P2RX7: variants seen among roughly 807,000 people sequenced by gnomAD.
P2RX7 encodes P2X purinoceptor 7.
A neutral mutation model predicts 71.6 loss-of-function variants in P2RX7; 62 were observed. That is an observed-to-expected ratio of 0.87 (90% confidence interval 0.71 to 1.07). The LOEUF is 1.07. P2RX7 is among the 50% of genes least tolerant of loss of function. P2RX7 has a pLI of 0.00. For synonymous variants in P2RX7, 299 were observed against 283.3 expected (o/e 1.06, Z -0.56); for missense variants, 686 against 748.5 (o/e 0.92, Z 0.97).
rs752684131 is a variant in P2RX7, at chr12:121,177,171, C to T, written c.997C>T (p.Leu333=). Residue 333 remains leucine, a synonymous_variant, in exon 10 of 13, where the codon CTG becomes TTG. Coordinates refer to ENST00000328963, the MANE Select transcript of P2RX7 (RefSeq NM_002562.6). ...GGGAGGAAAATTTGACATTATCCAG[C>T]TGGTTGTGTACATCGGCTCAACCCT... ...GTGGKFDIIQ[L]VVYIGSTLSY... The T allele has an allele frequency of 6.2e-7, 1 of 1,614,206 alleles. No homozygotes were observed. Among genetic ancestry groups the T allele is most frequent in the Non-Finnish European group, 8.5e-7 (1 of 1,180,026 alleles).
rs773598372 is a variant in P2RX7 at position 121,156,112 on chromosome 12, A to C, written c.328A>C (p.Lys110Gln). 6.2e-7 allele frequency: 1 copy of C among 1,614,152 alleles called. No homozygotes were observed. The highest frequency in any genetic ancestry group is 8.5e-7 in the Non-Finnish European group (1 of 1,179,984). The change falls in exon 3 of 13, where the codon AAA becomes CAA. Residue 110 changes from lysine (K) to glutamine (Q), a missense_variant. Lys to Gln is a moderately conservative substitution (Grantham distance 53). Transcript: ENST00000328963. ...NSFFVMTNFL[K>Q]TEGQEQRLCP... ...TTTCTTCGTGATGACAAACTTTCTC[A>C]AAACAGAAGGCCAAGAGCAGCGGTT...
chr12:121,141,966 A>C (rs987264678), intron 1 of P2RX7, among the ~76,000 whole-genome samples: 60 of 152,154 alleles, frequency 3.9e-4, no homozygotes, highest in African/African-American at 1.4e-3. Context: ...ACTTTGATAC[A>C]CAAGGAATAA....
chr12:121,159,601 A>G (rs748013200), intron 3 of P2RX7, among the ~76,000 whole-genome samples: 3 of 152,124 alleles, frequency 2.0e-5, no homozygotes, highest in South Asian at 2.1e-4. Flanking sequence ...CAGATGACAA[A>G]GAGCAGAGGC....
Position 121,162,434 on chromosome 12 carries a change from C to A in P2RX7, c.447C>A (p.Thr149=), listed in dbSNP as rs200860979. The change falls in exon 5 of 13, where the codon ACC becomes ACA. Residue 149 remains threonine, a synonymous_variant. Transcript: ENST00000328963. ...CTTTGACCCCTATAGGAATTCAGAC[C>A]GGAAGGTGTGTAGTGTATGAAGGGA... ...WMDPQSKGIQ[T]GRCVVYEGNQ... 6 of 1,613,840 alleles carry A rather than the reference C, an allele frequency of 3.7e-6. No individual in the cohort carries two copies. In the East Asian group the frequency reaches 1.3e-4, roughly 36 times the overall value.
intron 4 of P2RX7, 53 bp from the exon 5 acceptor site, chr12:121,162,371 C>T: frequency 6.2e-7 from 1 of 1,606,556 alleles, no homozygotes; most frequent in Non-Finnish European, 8.5e-7. Context: ...TGGAGAACGT[C>T]CTCTCCGCAG....
At position 121,157,050 on chromosome 12, in the gene P2RX7, C is replaced by G. The variant is rs145174133; in HGVS notation, c.363+903C>G. Among the ~76,000 whole-genome samples the G allele has an allele frequency of 2.3e-3, 355 of 152,312 alleles. 2 individuals carry two copies. Among genetic ancestry groups the G allele is most frequent in the African/African-American group, 8.0e-3 (331 of 41,564 alleles). ...TCTTTACCTCACCATCCTGCTCTCT[C>G]CTCTTAAACCAGCTTTTCTTCTAAG... On this transcript the variant is annotated intron_variant, in intron 3 of 12. Transcript: ENST00000328963.
chr12:121,182,626 T>C (rs1884320779), intron 12 of P2RX7, among the ~76,000 whole-genome samples: 1 of 152,164 alleles, frequency 6.6e-6, no homozygotes, highest in Non-Finnish European at 1.5e-5. Flanking sequence ...ATGGTACATC[T>C]GCATAGGGCA....
chr12:121,139,728 A>T (rs1470983497), intron 1 of P2RX7, among the ~76,000 whole-genome samples: 3 of 102,106 alleles, frequency 2.9e-5, no homozygotes, highest in Non-Finnish European at 5.3e-5. Context: ...TCTGACCCTG[A>T]CCATCTTTTT....
Position 121,163,358 on chromosome 12 carries a change from G to GCGCA in P2RX7, c.533+839_533+840insGCAC, listed in dbSNP as rs1555226392. ...CACACACACACACACACACACACAC[G>GCGCA]CACACACACACACACACACAATCTA... On this transcript the variant is annotated intron_variant, in intron 5 of 12. Coordinates refer to ENST00000328963, the MANE Select transcript of P2RX7 (RefSeq NM_002562.6). 1.1e-4 allele frequency among the ~76,000 whole-genome samples: 11 copies of GCGCA among 100,544 alleles called. 1 individual carries two copies. The highest frequency in any genetic ancestry group is 2.9e-4 in the African/African-American group (10 of 34,438). The allele number at this position is 100,544 out of a possible 152,430, so 66.0% of individuals were successfully genotyped here.
At chr12:121,175,318 A>G in intron 8 of P2RX7, 70 bp from the exon 9 acceptor site, 1 of 936,758 alleles carries the variant, frequency 1.1e-6, no homozygotes, top group South Asian at 1.5e-5. Flanking sequence ...CTCAAAAAAA[A>G]AAAAAAAAAA....
chr12:121,175,405 A>G lies in P2RX7; in HGVS notation c.899A>G (p.Lys300Arg). ...TCCTACAGATACGCCAAGTACTACA[A>G]GGAAAACAATGTTGAGAAACGGACT... ...GYNFRYAKYY[K>R]ENNVEKRTLI... is the part of the protein sequence containing the mutation. The change falls in exon 9 of 13, where the codon AAG becomes AGG. Residue 300 changes from lysine to arginine, a missense_variant. By Grantham distance (26) the Lys-to-Arg change is conservative. Coordinates refer to ENST00000328963, the MANE Select transcript of P2RX7 (RefSeq NM_002562.6). The G allele has an allele frequency of 6.2e-7, 1 of 1,606,688 alleles. No individual in the cohort carries two copies.
intron 11 of P2RX7, among the ~76,000 whole-genome samples, chr12:121,178,206 G>A (rs562339995): frequency 9.0e-4 from 137 of 152,128 alleles, no homozygotes; most frequent in Admixed American, 1.8e-3. Context: ...AGTACAAGAT[G>A]TTCAAAGCAG....
At chr12:121,157,353 T>C (rs984802270) in intron 3 of P2RX7, among the ~76,000 whole-genome samples, 2 of 152,230 alleles carry the variant, frequency 1.3e-5, no homozygotes, top group Non-Finnish European at 2.9e-5. Flanking sequence ...GTCTTTGCCA[T>C]CATTTGTACC....
chr12:121,159,417 CAAAAAAAAAAA>C (rs397850013), intron 3 of P2RX7, among the ~76,000 whole-genome samples: 2 of 65,768 alleles, frequency 3.0e-5, no homozygotes, highest in East Asian at 5.1e-4. Context: ...ACTCTGTCTC[CAAAAAAAAAAA>C]AAAAAAAAAA....
In P2RX7 at chr12:121,160,936, G is replaced by A. The variant is rs202212713; in HGVS notation, c.398G>A (p.Arg133Gln). 25 of 1,613,938 alleles carry A rather than the reference G, an allele frequency of 1.5e-5. No individual in the cohort carries two copies. The highest frequency in any genetic ancestry group is 8.9e-5 in the East Asian group (4 of 44,896). ...PTRRTLCSSD[R>Q]GCKKGWMDPQ... Reference sequence around the variant, plus strand: ...CGCAGGACGCTCTGTTCCTCTGACCGAGGTTGTAAAAAGGGATGGATGGAC... The same window carrying A: ...CGCAGGACGCTCTGTTCCTCTGACCAAGGTTGTAAAAAGGGATGGATGGAC... The change falls in exon 4 of 13, where the codon CGA becomes CAA. Residue 133 changes from arginine to glutamine, a missense_variant. Coordinates refer to ENST00000328963, the MANE Select transcript of P2RX7 (RefSeq NM_002562.6).
chr12:121,177,890 T>A (rs545813648), intron 11 of P2RX7, among the ~76,000 whole-genome samples: 1 of 151,966 alleles, frequency 6.6e-6, no homozygotes, highest in South Asian at 2.1e-4. Flanking sequence ...GGCTAATTTT[T>A]GTATTTTTAG....
At chr12:121,136,003 C>CAA (rs1191508376) in intron 1 of P2RX7, among the ~76,000 whole-genome samples, 6 of 12,832 alleles carry the variant, frequency 4.7e-4, no homozygotes, top group East Asian at 4.6e-3. Flanking sequence ...GACTCTGTCT[C>CAA]AAAAAAAAAA....
intron 3 of P2RX7, among the ~76,000 whole-genome samples, chr12:121,156,609 C>T (rs893845498): frequency 2.3e-4 from 35 of 152,216 alleles, no homozygotes; most frequent in Admixed American, 1.4e-3. Flanking sequence ...AGGGTTAGGA[C>T]CTGAGTGTCC....
intron 4 of P2RX7, chr12:121,162,161 T>C (rs1386413930): frequency 1.8e-6 from 2 of 1,135,704 alleles, no homozygotes; most frequent in East Asian, 4.5e-5. Flanking sequence ...CATGGGCACC[T>C]TTTCTTATAA....
Sources: allele counts gnomAD v4.1 joint callset (sites outside exome capture counted in the v4.1 genomes callset), GRCh38; gene constraint gnomAD v4.1.1; transcripts MANE v1.5; gene names NCBI Gene and HGNC (gene_info 2026-07-23, HGNC 2026-07-21).